The following HDAC9 variants were observed in gnomAD, a reference collection of about 807,000 sequenced individuals.
HDAC9 encodes MEF-2 interacting transcription repressor (MITR) protein.
In HDAC9, 41 loss-of-function variants were observed where a neutral mutation model predicts 139.4. The ratio of observed to expected loss-of-function variants is 0.29; its 90% CI spans 0.23 to 0.38. The LOEUF (loss-of-function observed/expected upper bound fraction) is 0.38. Among genes scored for constraint, HDAC9 ranks in the 10% least tolerant of loss-of-function variants. The pLI, the probability that HDAC9 is intolerant of heterozygous loss-of-function variation, is 1.00. For missense variants in HDAC9, 1,147 were observed against 1,297.0 expected, an observed-to-expected ratio of 0.88 and a Z score of 1.78; for synonymous variants, 517 against 476.2, an observed-to-expected ratio of 1.09 and a Z score of -1.12.
intron 13 of HDAC9, among the ~76,000 whole-genome samples, chr7:18,729,372 A>T (rs897742687): frequency 4.6e-5 from 7 of 152,094 alleles, no homozygotes; most frequent in Admixed American, 3.9e-4. Context: ...GATGTGCCCA[A>T]GTTTGCTACT....
intron 1 of HDAC9, among the ~76,000 whole-genome samples, chr7:18,301,878 T>G (rs1585072752): frequency 6.6e-6 from 1 of 152,204 alleles, no homozygotes; most frequent in African/African-American, 2.4e-5. Context: ...GTTTTCTATA[T>G]TCCCTCTAAA....
intron 6 of HDAC9, among the ~76,000 whole-genome samples, chr7:18,607,334 C>A (rs1420444742): frequency 6.6e-6 from 1 of 152,208 alleles, no homozygotes; most frequent in Non-Finnish European, 1.5e-5. Context: ...AAAATAATTT[C>A]ATGGCTTGGC....
intron 1 of HDAC9, among the ~76,000 whole-genome samples, chr7:18,147,171 C>G (rs1412570313): frequency 6.6e-6 from 1 of 151,924 alleles, no homozygotes; most frequent in South Asian, 2.1e-4. Flanking sequence ...TATTATGGTC[C>G]ATTTTGTAAA....
intron 1 of HDAC9, among the ~76,000 whole-genome samples, chr7:18,114,979 G>C (rs375171692): frequency 6.6e-6 from 1 of 152,194 alleles, no homozygotes; most frequent in Admixed American, 6.6e-5. Flanking sequence ...TAGATTAGAA[G>C]TGTATAAGTA....
At position 18,258,951 on chromosome 7, in the gene HDAC9, C is replaced by CTTTT. The variant is rs199607615; in HGVS notation, c.25+96636_25+96639dup. ...TAATAAAGTAGGGATTCTTCTTCTC[C>CTTTT]TTTTTTTTTTTTTTTTTTTTTTTTT... On this transcript the variant is annotated intron_variant, in intron 2 of 12. Coordinates refer to the HDAC9 transcript ENST00000417496. Among the ~76,000 whole-genome samples, 6 of 98,326 alleles carry CTTTT rather than the reference C, an allele frequency of 6.1e-5. 1 individual carries two copies. Among genetic ancestry groups the CTTTT allele is most frequent in the African/African-American group, 1.0e-4 (3 of 29,912 alleles). The allele number at this position is 98,326 out of a possible 152,430, so 64.5% of individuals were successfully genotyped here. A position where few individuals can be genotyped will look rare whatever the true frequency, so the allele number is the denominator to read the frequency against.
At chr7:18,318,197 C>T (rs1254507925) in intron 1 of HDAC9, among the ~76,000 whole-genome samples, 1 of 152,176 alleles carries the variant, frequency 6.6e-6, no homozygotes, top group East Asian at 1.9e-4. Context: ...TCTCTTGGAT[C>T]AGAGCCCTTC....
At chr7:18,575,846 C>T (rs1825800664) in intron 2 of HDAC9, among the ~76,000 whole-genome samples, 1 of 152,174 alleles carries the variant, frequency 6.6e-6, no homozygotes, top group Non-Finnish European at 1.5e-5. Flanking sequence ...TTCATTCATT[C>T]ATTCATTCAC....
At chr7:18,151,844 C>T (rs982986324) in intron 1 of HDAC9, 2 of 152,134 alleles carry the variant, frequency 1.3e-5, no homozygotes, top group African/African-American at 2.4e-5. Flanking sequence ...AAAAATAGAT[C>T]ATTTAATTCA....
At chr7:18,556,510 C>A (rs748980123) in intron 2 of HDAC9, among the ~76,000 whole-genome samples, 9 of 151,966 alleles carry the variant, frequency 5.9e-5, no homozygotes, top group Non-Finnish European at 1.3e-4. Context: ...CCTATGTGAT[C>A]AAAAATTCAA....
rs138963220 is a variant in HDAC9 at position 18,551,788 on chromosome 7, T to C, written c.23-33493T>C. 1.3e-3 allele frequency among the ~76,000 whole-genome samples: 205 copies of C among 152,336 alleles called. 2 individuals are homozygous for C. The highest frequency in any genetic ancestry group is 4.6e-3 in the African/African-American group (190 of 41,586). On this transcript the variant is annotated intron_variant, in intron 2 of 25. Coordinates refer to ENST00000686413, the MANE Select transcript of HDAC9 (RefSeq NM_178425.4). ...AGAATCAACATTGTTTAAAATTGTT[T>C]TAAGAACTAGATTTGGTGTTAACAG...
chr7:18,167,751 C>T (rs777796367), intron 2 of HDAC9, among the ~76,000 whole-genome samples: 2 of 152,194 alleles, frequency 1.3e-5, no homozygotes, highest in South Asian at 4.2e-4. Flanking sequence ...AATTTAGCCA[C>T]GTGGCCATAC....
chr7:18,978,825 G>T (rs1423650176), intron 25 of HDAC9, among the ~76,000 whole-genome samples: 2 of 152,148 alleles, frequency 1.3e-5, no homozygotes, highest in Non-Finnish European at 2.9e-5. Context: ...ATCAGTTCAG[G>T]CTCTGCTGAA....
chr7:18,750,984 T>C (rs1295054727), intron 14 of HDAC9, among the ~76,000 whole-genome samples: 1 of 152,180 alleles, frequency 6.6e-6, no homozygotes, highest in African/African-American at 2.4e-5. Flanking sequence ...CCTTGTTAGA[T>C]AGTGGTATTC....
chr7:18,856,277 T>C (rs1356288669), intron 21 of HDAC9, among the ~76,000 whole-genome samples: 1 of 152,162 alleles, frequency 6.6e-6, no homozygotes, highest in Non-Finnish European at 1.5e-5. Flanking sequence ...ATTCTTATCT[T>C]AGAAACTATG....
chr7:18,791,808 A>G (rs558830464), intron 16 of HDAC9, among the ~76,000 whole-genome samples: 2 of 152,332 alleles, frequency 1.3e-5, no homozygotes, highest in East Asian at 3.9e-4. Context: ...AAACAGGTAT[A>G]ACAGTAGCTG....
At chr7:18,952,141 G>A (rs2129322913) in intron 23 of HDAC9, among the ~76,000 whole-genome samples, 1 of 152,034 alleles carries the variant, frequency 6.6e-6, no homozygotes, top group African/African-American at 2.4e-5. Flanking sequence ...AAATGGTTTG[G>A]GAGGTTTAAA....
At chr7:18,659,604 A>G (rs1242373628) in intron 11 of HDAC9, among the ~76,000 whole-genome samples, 1 of 152,112 alleles carries the variant, frequency 6.6e-6, no homozygotes, top group Non-Finnish European at 1.5e-5. Flanking sequence ...GTTCGGCCCA[A>G]TTGCTATACA....
intron 2 of HDAC9, among the ~76,000 whole-genome samples, chr7:18,181,703 T>C (rs1444540956): frequency 6.6e-6 from 1 of 152,040 alleles, no homozygotes; most frequent in Non-Finnish European, 1.5e-5. Context: ...AAACTACTCA[T>C]ACCTGTCCCC....
At chr7:18,298,789 A>G (rs1026936368) in intron 1 of HDAC9, among the ~76,000 whole-genome samples, 1 of 152,222 alleles carries the variant, frequency 6.6e-6, no homozygotes, top group African/African-American at 2.4e-5. Context: ...TAAATATCCC[A>G]TATAAAAAGT....
Sources: allele counts gnomAD v4.1 joint callset (sites outside exome capture counted in the v4.1 genomes callset), GRCh38; gene constraint gnomAD v4.1.1; transcripts MANE v1.5; gene names NCBI Gene and HGNC (gene_info 2026-07-23, HGNC 2026-07-21).